The following SEMA3D variants were observed in gnomAD, a reference collection of about 807,000 sequenced individuals.
SEMA3D encodes the protein semaphorin-3D.
In SEMA3D, 84 loss-of-function variants were observed where a neutral mutation model predicts 100.1. The observed-to-expected ratio is 0.84, with a 90% confidence interval of 0.70 to 1.01. SEMA3D has a LOEUF of 1.01. SEMA3D is among the 50% of genes least tolerant of loss of function. The pLI, the probability that SEMA3D is intolerant of heterozygous loss-of-function variation, is 0.00. For synonymous variants in SEMA3D, 312 were observed against 320.7 expected (o/e 0.97, Z 0.29); for missense variants, 875 against 934.1 (o/e 0.94, Z 0.82).
intron 4 of SEMA3D, among the ~76,000 whole-genome samples, chr7:85,082,763 T>C (rs934246348): frequency 3.3e-5 from 5 of 152,208 alleles, no homozygotes; most frequent in African/African-American, 7.2e-5. Context: ...GCATTCAAAA[T>C]AGACAAATAC....
At chr7:85,151,598 CGTGTGT>C (rs57024733) in intron 2 of SEMA3D, 56,589 of 837,148 alleles carry the variant, frequency 0.068, 429 homozygotes, top group South Asian at 0.082. Context: ...TGTGTGTATG[CGTGTGT>C]GTGTGTGTGT....
chr7:85,182,915 T>C (rs1388033545), intron 1 of SEMA3D, among the ~76,000 whole-genome samples: 1 of 152,210 alleles, frequency 6.6e-6, no homozygotes, highest in Non-Finnish European at 1.5e-5. Context: ...ATGGCTACTC[T>C]TGTTCATGAA....
At chr7:85,150,753 T>C (rs1790357215) in intron 2 of SEMA3D, among the ~76,000 whole-genome samples, 1 of 151,948 alleles carries the variant, frequency 6.6e-6, no homozygotes. Flanking sequence ...TCTGAGTTTA[T>C]GTATAAAGTA....
intron 2 of SEMA3D, among the ~76,000 whole-genome samples, chr7:85,129,353 G>T (rs1789660061): frequency 6.6e-6 from 1 of 151,676 alleles, no homozygotes; most frequent in East Asian, 1.9e-4. Context: ...TGACATGTGT[G>T]GTAGTCATGT....
upstream of SEMA3D, among the ~76,000 whole-genome samples, chr7:85,187,807 T>C (rs1330850101): frequency 2.0e-5 from 3 of 152,220 alleles, no homozygotes; most frequent in Non-Finnish European, 4.4e-5. Context: ...TGCAAAAATA[T>C]ATGACAATGA....
the SEMA3D span, among the ~76,000 whole-genome samples, chr7:85,194,990 G>A: frequency 6.6e-6 from 1 of 152,040 alleles, no homozygotes; most frequent in South Asian, 2.1e-4. Flanking sequence ...ACATTTTGAG[G>A]TGCTAGGGTT....
At chr7:85,149,171 G>T (rs2372672) in intron 2 of SEMA3D, among the ~76,000 whole-genome samples, 1 of 151,722 alleles carries the variant, frequency 6.6e-6, no homozygotes, top group Admixed American at 6.6e-5. Flanking sequence ...TTGGCCAGGC[G>T]TGGTGGCTCA....
At chr7:85,209,159 A>G in the SEMA3D span, among the ~76,000 whole-genome samples, 5 of 152,156 alleles carry the variant, frequency 3.3e-5, no homozygotes, top group South Asian at 2.1e-4. Flanking sequence ...TTAACTACTG[A>G]TATGATTTAT....
At chr7:85,194,514 A>G in the SEMA3D span, among the ~76,000 whole-genome samples, 1 of 151,916 alleles carries the variant, frequency 6.6e-6, no homozygotes, top group Non-Finnish European at 1.5e-5. Context: ...AAAAAAAAAT[A>G]GCTTCATTGT....
Position 85,036,989 on chromosome 7 carries a change from T to C in SEMA3D, c.1091A>G (p.Asp364Gly). Residue 364 changes from aspartate to glycine, a missense_variant, in exon 12 of 19, where the codon GAC (aspartate) becomes GGC (glycine). Transcript: ENST00000284136. Reference protein sequence around the residue: ...GSAVCVYSMADIRAVFNGPYA... With the variant: ...GSAVCVYSMAGIRAVFNGPYA... ...TGGACCATTAAAAACTGCTCTGATGTCAGCCATGCTATACACACAAACAGC... is the reference window on the plus strand; with the variant it reads ...TGGACCATTAAAAACTGCTCTGATGCCAGCCATGCTATACACACAAACAGC... The C allele has an allele frequency of 6.2e-7, 1 of 1,613,394 alleles. No homozygotes were observed. The highest frequency in any genetic ancestry group is 8.5e-7 in the Non-Finnish European group (1 of 1,179,572).
At chr7:85,166,247 T>C (rs951789318) in intron 1 of SEMA3D, among the ~76,000 whole-genome samples, 2 of 152,182 alleles carry the variant, frequency 1.3e-5, no homozygotes, top group African/African-American at 4.8e-5. Context: ...ATGTTGATCT[T>C]ACCAAATAAA....
At chr7:85,238,510 AATT>A in the SEMA3D span, among the ~76,000 whole-genome samples, 2 of 152,140 alleles carry the variant, frequency 1.3e-5, no homozygotes, top group Non-Finnish European at 2.9e-5. Flanking sequence ...AATGGGCTAC[AATT>A]ATTGTGTCAA....
At chr7:85,081,165 C>A (rs1788047851) in intron 5 of SEMA3D, among the ~76,000 whole-genome samples, 1 of 152,066 alleles carries the variant, frequency 6.6e-6, no homozygotes, top group Non-Finnish European at 1.5e-5. Context: ...TGTACACTTA[C>A]AAAAACATGT....
chr7:85,002,275 A>T (rs941745282), intron 18 of SEMA3D, among the ~76,000 whole-genome samples: 1 of 152,130 alleles, frequency 6.6e-6, no homozygotes, highest in African/African-American at 2.4e-5. Context: ...TACAGATATC[A>T]TACTTGATTT....
chr7:85,149,385 T>C (rs1469633341), intron 2 of SEMA3D, among the ~76,000 whole-genome samples: 1 of 151,950 alleles, frequency 6.6e-6, no homozygotes, highest in Non-Finnish European at 1.5e-5. Flanking sequence ...ACCCAGGAGG[T>C]TGCAGTGAGC....
At chr7:85,051,053 T>C (rs1394083772) in intron 9 of SEMA3D, among the ~76,000 whole-genome samples, 1 of 151,964 alleles carries the variant, frequency 6.6e-6, no homozygotes, top group Non-Finnish European at 1.5e-5. Context: ...TAGTAAATTG[T>C]TACATGCTTG....
At chr7:85,229,455 T>G in the SEMA3D span, among the ~76,000 whole-genome samples, 7 of 152,014 alleles carry the variant, frequency 4.6e-5, no homozygotes, top group South Asian at 8.3e-4. Context: ...AAATTAGGGT[T>G]TCTACACCAT....
chr7:85,019,242 T>A (rs1486253964), intron 14 of SEMA3D, among the ~76,000 whole-genome samples: 2 of 151,806 alleles, frequency 1.3e-5, no homozygotes, highest in South Asian at 4.1e-4. Flanking sequence ...GACCACTGTC[T>A]AACACCATTG....
chr7:85,168,820 T>A lies in SEMA3D; in HGVS notation c.-172-15081A>T, dbSNP rs201644332. The stretch of plus-strand genomic sequence containing the variant: ...TGACAAAGAAAGAAAGAAAGAAAGA[T>A]GAAAGAAAGAAAGAAAGAAAGAAAG... On this transcript the variant is annotated intron_variant, in intron 1 of 18. Transcript: ENST00000284136. 9.2e-3 allele frequency among the ~76,000 whole-genome samples: 1,117 copies of A among 120,926 alleles called. 9 individuals carry two copies. Among genetic ancestry groups the A allele is most frequent in the East Asian group, 0.025 (109 of 4,296 alleles). 79.3% of individuals were successfully genotyped at this position (120,926 alleles called of 152,430 possible).
Sources: allele counts gnomAD v4.1 joint callset (sites outside exome capture counted in the v4.1 genomes callset), GRCh38; gene constraint gnomAD v4.1.1; transcripts MANE v1.5; gene names NCBI Gene and HGNC (gene_info 2026-07-23, HGNC 2026-07-21).